Variants in SPOCK1 observed in about 807,000 individuals in gnomAD.
The protein encoded by SPOCK1 is SPARC (osteonectin), cwcv and kazal like domains proteoglycan 1.
In SPOCK1, 23 loss-of-function variants were observed where a neutral mutation model predicts 55.3. That is an observed-to-expected ratio of 0.42 (90% CI 0.30 to 0.59). The LOEUF (loss-of-function observed/expected upper bound fraction) is 0.59, where lower values mean the gene tolerates loss of function less well. Among genes scored for constraint, SPOCK1 ranks in the 20% least tolerant of loss-of-function variants. The pLI, the probability that SPOCK1 is intolerant of heterozygous loss-of-function variation, is 0.22. For synonymous variants in SPOCK1, 226 were observed against 221.0 expected (o/e 1.02, Z -0.20); for missense variants, 499 against 552.5 (o/e 0.90, Z 0.97).
intron 2 of SPOCK1, among the ~76,000 whole-genome samples, chr5:137,411,003 T>G (rs1752198563): frequency 6.6e-6 from 1 of 152,162 alleles, no homozygotes; most frequent in Non-Finnish European, 1.5e-5. Context: ...CAGAAGCAAG[T>G]GACAAATGCC....
chr5:137,223,815 G>GAA (rs143964118), intron 3 of SPOCK1, among the ~76,000 whole-genome samples: 1 of 150,180 alleles, frequency 6.7e-6, no homozygotes, highest in African/African-American at 2.4e-5. Flanking sequence ...AGGAACATCT[G>GAA]AAAAAAAAAT....
At chr5:137,127,103 G>C in intron 4 of SPOCK1, among the ~76,000 whole-genome samples, 1 of 152,300 alleles carries the variant, frequency 6.6e-6, no homozygotes, top group South Asian at 2.1e-4. Context: ...GATTAGTATG[G>C]GTCAGCCATC....
At chr5:137,028,116 G>C (rs1486831319) in intron 6 of SPOCK1, among the ~76,000 whole-genome samples, 1 of 152,202 alleles carries the variant, frequency 6.6e-6, no homozygotes, top group African/African-American at 2.4e-5. Flanking sequence ...AGGTGACTCT[G>C]ACACACCAAA....
intron 8 of SPOCK1, among the ~76,000 whole-genome samples, chr5:136,987,425 A>G (rs565184004): frequency 6.6e-6 from 1 of 152,356 alleles, no homozygotes; most frequent in South Asian, 2.1e-4. Context: ...AACCTAACTC[A>G]TAAATCAAGA....
chr5:137,407,381 G>T (rs543780707), intron 2 of SPOCK1, among the ~76,000 whole-genome samples: 1 of 152,214 alleles, frequency 6.6e-6, no homozygotes, highest in Admixed American at 6.5e-5. Context: ...AACCCAGAGG[G>T]CAGGATGTTA....
intron 2 of SPOCK1, among the ~76,000 whole-genome samples, chr5:137,496,210 G>T (rs537992174): frequency 8.9e-4 from 136 of 152,198 alleles, no homozygotes; most frequent in Non-Finnish European, 1.6e-3. Context: ...ATTCTCCAGG[G>T]TAGGACCATG....
chr5:137,122,841 T>C (rs1753712595), intron 4 of SPOCK1, among the ~76,000 whole-genome samples: 1 of 152,240 alleles, frequency 6.6e-6, no homozygotes, highest in Non-Finnish European at 1.5e-5. Flanking sequence ...CTTACATTCC[T>C]TGAGGGCAAT....
At chr5:137,365,439 G>C (rs1311410351) in intron 2 of SPOCK1, 3 of 152,230 alleles carry the variant, frequency 2.0e-5, no homozygotes, top group Non-Finnish European at 4.4e-5. Flanking sequence ...GACAGAAGCA[G>C]GTAGCCTCTC....
intron 5 of SPOCK1, among the ~76,000 whole-genome samples, chr5:137,099,667 C>T (rs1753224423): frequency 7.4e-6 from 1 of 134,814 alleles, no homozygotes; most frequent in Non-Finnish European, 1.7e-5. Flanking sequence ...TGTATATGTA[C>T]ATGTGTATAT....
At chr5:137,253,340 T>C (rs1463435992) in intron 3 of SPOCK1, among the ~76,000 whole-genome samples, 1 of 152,220 alleles carries the variant, frequency 6.6e-6, no homozygotes, top group Non-Finnish European at 1.5e-5. Context: ...TTGCAATGAA[T>C]GAGGCTTTGA....
At chr5:137,080,659 G>T (rs1382857063) in intron 5 of SPOCK1, among the ~76,000 whole-genome samples, 1 of 152,076 alleles carries the variant, frequency 6.6e-6, no homozygotes, top group Non-Finnish European at 1.5e-5. Context: ...CACACAGTAG[G>T]TGTCCTTTAA....
chr5:136,990,769 AG>A (rs1750935242), intron 7 of SPOCK1, among the ~76,000 whole-genome samples: 1 of 152,212 alleles, frequency 6.6e-6, no homozygotes, highest in Non-Finnish European at 1.5e-5. Flanking sequence ...ATAAGGCAAG[AG>A]GAGTTTACTG....
intron 2 of SPOCK1, among the ~76,000 whole-genome samples, chr5:137,426,751 A>C (rs1245498017): frequency 1.3e-5 from 2 of 152,178 alleles, no homozygotes; most frequent in East Asian, 3.8e-4. Context: ...CCCCAGAAGC[A>C]AAAACAAGAG....
At chr5:136,991,651 T>C (rs889701103) in intron 7 of SPOCK1, among the ~76,000 whole-genome samples, 25 of 152,208 alleles carry the variant, frequency 1.6e-4, no homozygotes, top group African/African-American at 5.3e-4. Context: ...AATGGCTACA[T>C]AGAGAAGGCT....
chr5:137,142,979 G>T (rs1044582967), intron 3 of SPOCK1, among the ~76,000 whole-genome samples: 5 of 152,186 alleles, frequency 3.3e-5, no homozygotes, highest in African/African-American at 1.2e-4. Flanking sequence ...TTTCTCAAGG[G>T]TTCTGAACAC....
intron 3 of SPOCK1, among the ~76,000 whole-genome samples, chr5:137,264,105 C>T (rs1478370749): frequency 6.6e-6 from 1 of 152,044 alleles, no homozygotes; most frequent in African/African-American, 2.4e-5. Context: ...AGAGGTCAAG[C>T]TGGAGAGCTG....
chr5:137,468,031 A>G (rs1383285117), intron 2 of SPOCK1, among the ~76,000 whole-genome samples: 3 of 152,178 alleles, frequency 2.0e-5, no homozygotes, highest in Non-Finnish European at 4.4e-5. Flanking sequence ...AGGGCTTAGA[A>G]TTATTTTAAT....
At chr5:137,447,639 T>C (rs986187196) in intron 2 of SPOCK1, among the ~76,000 whole-genome samples, 11 of 151,768 alleles carry the variant, frequency 7.2e-5, no homozygotes, top group Admixed American at 5.9e-4. Flanking sequence ...ACCACCACCA[T>C]ACCTACCACC....
At chr5:137,397,817 G>A (rs1751886675) in intron 2 of SPOCK1, among the ~76,000 whole-genome samples, 1 of 152,132 alleles carries the variant, frequency 6.6e-6, no homozygotes, top group South Asian at 2.1e-4. Context: ...ACATATTCAA[G>A]ATTCAGCTCA....
Sources: allele counts gnomAD v4.1 joint callset (sites outside exome capture counted in the v4.1 genomes callset), GRCh38; gene constraint gnomAD v4.1.1; transcripts MANE v1.5; gene names NCBI Gene and HGNC (gene_info 2026-07-23, HGNC 2026-07-21).